The following FUT8 variants were observed in gnomAD, a reference collection of about 807,000 sequenced individuals.
The protein encoded by FUT8 is alpha-(1,6)-fucosyltransferase.
FUT8 carries 29 observed loss-of-function variants against 71.3 expected under a neutral mutation model. The ratio of observed to expected loss-of-function variants is 0.41; its 90% CI spans 0.30 to 0.55. The LOEUF is 0.55. Ranked by LOEUF, FUT8 falls within the 20% of genes least tolerant of loss-of-function variation. FUT8 has a pLI of 0.34. For missense variants in FUT8, 544 were observed against 702.1 expected, an observed-to-expected ratio of 0.77 and a Z score of 2.55; for synonymous variants, 254 against 239.3, an observed-to-expected ratio of 1.06 and a Z score of -0.57.
intron 2 of FUT8, among the ~76,000 whole-genome samples, chr14:65,522,052 C>CGA (rs1443871709): frequency 1.3e-5 from 2 of 152,092 alleles, no homozygotes; most frequent in Admixed American, 1.3e-4. Flanking sequence ...GTCTCTTAGT[C>CGA]TAACTTTAGT....
chr14:65,622,983 T>C lies in FUT8; in HGVS notation c.483-6509T>C, dbSNP rs371411036. Among the ~76,000 whole-genome samples the C allele has an allele frequency of 2.1e-3, 311 of 146,954 alleles. 3 individuals carry two copies. Among genetic ancestry groups the C allele is most frequent in the South Asian group, 9.6e-3 (45 of 4,664 alleles). ...GGAGCACAGTGGTGCAAAAACGACC[T>C]GGGCTAAAGTGATCCTCCTGCCTCA... On this transcript the variant is annotated intron_variant, in intron 5 of 10. Transcript: ENST00000673929.
chr14:65,498,738 T>C (rs2066599301), intron 2 of FUT8, among the ~76,000 whole-genome samples: 1 of 152,210 alleles, frequency 6.6e-6, no homozygotes, highest in Non-Finnish European at 1.5e-5. Flanking sequence ...ACTTCTCCTT[T>C]ACAAGTTTTC....
intron 6 of FUT8, among the ~76,000 whole-genome samples, chr14:65,637,244 AC>A (rs1890608817): frequency 6.6e-6 from 1 of 152,122 alleles, no homozygotes; most frequent in Non-Finnish European, 1.5e-5. Context: ...ATTTTCCTAG[AC>A]TTTTGGGTGA....
chr14:65,634,619 A>G (rs1890443169), intron 6 of FUT8, among the ~76,000 whole-genome samples: 1 of 151,050 alleles, frequency 6.6e-6, no homozygotes, highest in Non-Finnish European at 1.5e-5. Context: ...TGCTTTGTTG[A>G]AGATCAGTTG....
chr14:65,596,740 A>T (rs184084561), intron 3 of FUT8, among the ~76,000 whole-genome samples: 2 of 152,132 alleles, frequency 1.3e-5, no homozygotes, highest in Admixed American at 1.3e-4. Flanking sequence ...TTTTTAAATG[A>T]AATCATAGTT....
At chr14:65,686,878 C>G (rs1368443892) in intron 7 of FUT8, among the ~76,000 whole-genome samples, 1 of 152,114 alleles carries the variant, frequency 6.6e-6, no homozygotes, top group African/African-American at 2.4e-5. Context: ...GACAGTTGTT[C>G]TGTTCATTCA....
At chr14:65,634,228 C>G (rs1055943221) in intron 6 of FUT8, among the ~76,000 whole-genome samples, 1 of 151,954 alleles carries the variant, frequency 6.6e-6, no homozygotes, top group Non-Finnish European at 1.5e-5. Context: ...AAGAAAAATT[C>G]TTCTGCCTTG....
In FUT8 at chr14:65,632,592, G is replaced by A. The variant is rs184288708; in HGVS notation, c.597+2986G>A. On this transcript the variant is annotated intron_variant, in intron 6 of 10. Transcript: ENST00000673929. ...GATTTTTTTTTTCTTACTGGTTTGAGTTCTTTGTAGATTCTGTGTATTAGT... is the reference window on the plus strand; with the variant it reads ...GATTTTTTTTTTCTTACTGGTTTGAATTCTTTGTAGATTCTGTGTATTAGT... Among the ~76,000 whole-genome samples the A allele has an allele frequency of 2.9e-3, 442 of 152,098 alleles. 2 individuals are homozygous for A. The highest frequency in any genetic ancestry group is 0.01 in the African/African-American group (421 of 41,494).
At chr14:65,517,405 G>T (rs1030442851) in intron 2 of FUT8, among the ~76,000 whole-genome samples, 20 of 152,098 alleles carry the variant, frequency 1.3e-4, no homozygotes, top group Admixed American at 1.2e-3. Context: ...ACAGTAATAG[G>T]GTGTGTTTAT....
the FUT8 span, among the ~76,000 whole-genome samples, chr14:65,392,541 G>A: frequency 1.3e-5 from 2 of 152,042 alleles, no homozygotes; most frequent in Non-Finnish European, 2.9e-5. Flanking sequence ...CAAGTAGGTA[G>A]TCAGTTCATG....
At chr14:65,736,122 C>T (rs1324919045) in intron 10 of FUT8, among the ~76,000 whole-genome samples, 3 of 151,946 alleles carry the variant, frequency 2.0e-5, no homozygotes, top group African/African-American at 4.8e-5. Flanking sequence ...ATTGCTTAGC[C>T]TATTTCTTAA....
At chr14:65,555,028 A>G (rs1185301202) in intron 2 of FUT8, among the ~76,000 whole-genome samples, 3 of 152,172 alleles carry the variant, frequency 2.0e-5, no homozygotes, top group Admixed American at 2.0e-4. Flanking sequence ...AACTGGAGTC[A>G]GTAGACTTTG....
chr14:65,713,779 A>G (rs1408312101), intron 7 of FUT8, among the ~76,000 whole-genome samples: 1 of 151,984 alleles, frequency 6.6e-6, no homozygotes, highest in African/African-American at 2.4e-5. Flanking sequence ...CTCGTTATTT[A>G]TCTCTTGTCA....
chr14:65,703,563 G>C (rs140703575), intron 7 of FUT8, among the ~76,000 whole-genome samples: 2 of 152,318 alleles, frequency 1.3e-5, no homozygotes, highest in African/African-American at 4.8e-5. Context: ...ACCTATGTCA[G>C]ATCATCAGTA....
Position 65,687,478 on chromosome 14 carries a change from T to G in FUT8, c.835+17998T>G, listed in dbSNP as rs75375142. Among the ~76,000 whole-genome samples, 1,211 of 152,280 alleles carry G rather than the reference T, an allele frequency of 8.0e-3. 9 individuals are homozygous for G. Among genetic ancestry groups the G allele is most frequent in the African/African-American group, 0.024 (1,006 of 41,556 alleles). On this transcript the variant is annotated intron_variant, in intron 7 of 10. Transcript: ENST00000673929. The stretch of plus-strand genomic sequence containing the variant: ...CATAATTTCCTTTAAATAAAACTTT[T>G]AAGTTTAAAGCAATGAACACCTATT...
Position 65,561,752 on chromosome 14 carries a change from G to A in FUT8, c.189G>A (p.Met63Ile). 1 of 1,612,930 alleles carries A rather than the reference G, an allele frequency of 6.2e-7. No homozygotes were observed. Among genetic ancestry groups the A allele is most frequent in the Non-Finnish European group, 8.5e-7 (1 of 1,179,190 alleles). The change falls in exon 3 of 11, where the codon ATG becomes ATA. Residue 63 changes from methionine (M) to isoleucine (I), a missense_variant. Transcript: ENST00000673929. ...LKQQNEDLRR[M>I]AESLRIPEGP... ...AACAGAATGAAGACTTGAGGCGAAT[G>A]GCCGAATCTCTCCGGTAGGTCCTAA...
intron 7 of FUT8, among the ~76,000 whole-genome samples, chr14:65,674,125 A>G (rs978457547): frequency 6.6e-5 from 10 of 152,186 alleles, no homozygotes; most frequent in Non-Finnish European, 5.9e-5. Context: ...TATAATATAC[A>G]TATTAGGCTA....
chr14:65,618,983 C>T (rs1391915881), intron 5 of FUT8, among the ~76,000 whole-genome samples: 1 of 151,882 alleles, frequency 6.6e-6, no homozygotes, highest in African/African-American at 2.4e-5. Flanking sequence ...GTGTGGGTAC[C>T]CTGGCCACTT....
At chr14:65,442,179 CTTTT>C (rs1021625986) in intron 1 of FUT8, among the ~76,000 whole-genome samples, 2 of 140,650 alleles carry the variant, frequency 1.4e-5, no homozygotes, top group African/African-American at 5.2e-5. Context: ...TAAGGGTGGA[CTTTT>C]TTTTTTTTTT....
Sources: allele counts gnomAD v4.1 joint callset (sites outside exome capture counted in the v4.1 genomes callset), GRCh38; gene constraint gnomAD v4.1.1; transcripts MANE v1.5; gene names NCBI Gene and HGNC (gene_info 2026-07-23, HGNC 2026-07-21).